Variants in SGCD observed in about 807,000 individuals in gnomAD.
SGCD encodes the protein delta-sarcoglycan.
Under a neutral mutation model 36.6 loss-of-function variants are expected in SGCD, and 18 were observed. The observed-to-expected ratio is 0.49, with a 90% CI of 0.34 to 0.73. The LOEUF is 0.73. Among genes scored for constraint, SGCD ranks in the 30% least tolerant of loss-of-function variants. The probability of loss-of-function intolerance (pLI) is 0.01; values close to 1 mark genes in which losing one functional copy is unlikely to be tolerated. For missense variants in SGCD, 387 were observed against 346.7 expected (o/e 1.12, Z -0.92); for synonymous variants, 133 against 130.6 (o/e 1.02, Z -0.12).
chr5:155,953,426 A>G (rs577216447), intron 1 of SGCD, among the ~76,000 whole-genome samples: 3 of 152,274 alleles, frequency 2.0e-5, no homozygotes, highest in Non-Finnish European at 4.4e-5. Flanking sequence ...CTGCTTTATT[A>G]TGGCACAGTT....
chr5:156,204,590 A>G (rs1473495261), intron 3 of SGCD, among the ~76,000 whole-genome samples: 1 of 152,086 alleles, frequency 6.6e-6, no homozygotes, highest in African/African-American at 2.4e-5. Flanking sequence ...GTGTCAGCGT[A>G]TGGGATCTTG....
intron 3 of SGCD, among the ~76,000 whole-genome samples, chr5:156,303,432 G>C (rs1290561432): frequency 6.6e-6 from 1 of 152,016 alleles, no homozygotes; most frequent in Non-Finnish European, 1.5e-5. Context: ...CCACAGCTTA[G>C]AATCTGGAAC....
In SGCD at chr5:156,692,101, C is replaced by T. The variant is rs62380948; in HGVS notation, c.575+44565C>T. Among the ~76,000 whole-genome samples the T allele has an allele frequency of 7.2e-3, 1,102 of 152,216 alleles. 4 individuals carry two copies. Among genetic ancestry groups the T allele is most frequent in the Non-Finnish European group, 7.9e-3 (536 of 68,006 alleles). On this transcript the variant is annotated intron_variant, in intron 7 of 8. Coordinates refer to ENST00000337851, the MANE Select transcript of SGCD (RefSeq NM_000337.6). ...GAAGTTCACAGTAAAAAACAAATTC[C>T]CACATAAATCCCAATTTCCTGAAAT...
chr5:156,524,184 C>CTATA (rs370041027), intron 4 of SGCD, among the ~76,000 whole-genome samples: 11,207 of 75,014 alleles, frequency 0.15, 1,322 homozygotes, highest in Non-Finnish European at 0.2. Flanking sequence ...ATAGGTCTTA[C>CTATA]TATATATATA....
intron 4 of SGCD, among the ~76,000 whole-genome samples, chr5:156,551,503 C>T (rs1334117028): frequency 2.0e-5 from 3 of 152,048 alleles, no homozygotes; most frequent in Non-Finnish European, 4.4e-5. Context: ...GGGAACAGGG[C>T]AGGGTTTTGC....
intron 3 of SGCD, among the ~76,000 whole-genome samples, chr5:156,238,374 G>A (rs919001461): frequency 2.6e-5 from 4 of 152,212 alleles, no homozygotes; most frequent in East Asian, 1.9e-4. Flanking sequence ...CCCTGGAGTG[G>A]GCATCCACCC....
rs1561783583 is a variant in SGCD, at chr5:156,567,432, G to GATAGATA, written c.295-21799_295-21798insATAGATA. Among the ~76,000 whole-genome samples, 20 of 87,258 alleles carry GATAGATA rather than the reference G, an allele frequency of 2.3e-4. 1 individual carries two copies. Among genetic ancestry groups the GATAGATA allele is most frequent in the Non-Finnish European group, 5.1e-4 (16 of 31,252 alleles). 57.2% of individuals were successfully genotyped at this position (87,258 alleles called of 152,430 possible). A position where few individuals can be genotyped will look rare whatever the true frequency, so the allele number is the denominator to read the frequency against. On this transcript the variant is annotated intron_variant, in intron 4 of 8. Coordinates refer to ENST00000337851, the MANE Select transcript of SGCD (RefSeq NM_000337.6). ...TAGATAGATAGATAGATAGATAGAT[G>GATAGATA]GTAGCTCATGTGATTATGGAGGCTG...
the SGCD span, among the ~76,000 whole-genome samples, chr5:155,753,870 G>A: frequency 8.6e-5 from 13 of 152,034 alleles, no homozygotes; most frequent in Non-Finnish European, 1.8e-4. Flanking sequence ...CCTCCCAAAT[G>A]TGCATGTTTT....
At chr5:156,281,419 G>A (rs1766449852) in intron 3 of SGCD, among the ~76,000 whole-genome samples, 1 of 152,140 alleles carries the variant, frequency 6.6e-6, no homozygotes, top group African/African-American at 2.4e-5. Context: ...TAGCAGGGTC[G>A]ATGAGAGGGT....
At chr5:156,079,217 G>A (rs1050927656) in intron 1 of SGCD, among the ~76,000 whole-genome samples, 2 of 152,046 alleles carry the variant, frequency 1.3e-5, no homozygotes, top group South Asian at 4.2e-4. Flanking sequence ...GGTATTCACT[G>A]TTGTGAGGAC....
rs1758370774 is a variant in SGCD at position 156,542,123 on chromosome 5, A to G, written c.294+33421A>G. Among the ~76,000 whole-genome samples the G allele has an allele frequency of 3.9e-5, 6 of 152,206 alleles. No homozygotes were observed. The South Asian group carries it at 1.2e-3, about 31-fold the overall frequency. On this transcript the variant is annotated intron_variant, in intron 4 of 8. Coordinates refer to ENST00000337851, the MANE Select transcript of SGCD (RefSeq NM_000337.6). ...TTCAAGATGAATTGATCAAAACAGT[A>G]GACAGGCAAAGTTAGGGGAAAAAGG...
chr5:155,898,873 C>G (rs1212447834), intron 1 of SGCD, among the ~76,000 whole-genome samples: 1 of 152,198 alleles, frequency 6.6e-6, no homozygotes. Context: ...ATGCTGCTAA[C>G]CAGGTATCTC....
At chr5:156,081,015 A>G (rs1011878720) in intron 1 of SGCD, among the ~76,000 whole-genome samples, 1 of 152,184 alleles carries the variant, frequency 6.6e-6, no homozygotes, top group Non-Finnish European at 1.5e-5. Context: ...ATCATGGGTC[A>G]TTTATAAAGA....
At chr5:156,370,852 G>A (rs7722398) in intron 3 of SGCD, among the ~76,000 whole-genome samples, 88,688 of 151,884 alleles carry the variant, frequency 0.58, 26,442 homozygotes, top group East Asian at 0.92. Context: ...TAGGGCAGTC[G>A]GCAAAGAAAT....
At chr5:156,715,221 G>GATGA (rs1458154890) in intron 7 of SGCD, among the ~76,000 whole-genome samples, 1 of 152,186 alleles carries the variant, frequency 6.6e-6, no homozygotes, top group African/African-American at 2.4e-5. Flanking sequence ...AAATAGGTAA[G>GATGA]ATGAATAATG....
intron 1 of SGCD, among the ~76,000 whole-genome samples, chr5:155,882,906 G>A (rs1755920689): frequency 1.3e-5 from 2 of 152,270 alleles, no homozygotes; most frequent in Admixed American, 6.5e-5. Context: ...TCAAATCCCT[G>A]TATGGCTTCT....
chr5:156,723,875 GTGTA>G (rs1429883336), intron 7 of SGCD, among the ~76,000 whole-genome samples: 1 of 151,856 alleles, frequency 6.6e-6, no homozygotes, highest in Non-Finnish European at 1.5e-5. Context: ...GTGTGTGTGT[GTGTA>G]TGCATGCATG....
Position 156,608,950 on chromosome 5 carries a change from G to T in SGCD, c.502+13899G>T, listed in dbSNP as rs536204685. 1.1e-3 allele frequency among the ~76,000 whole-genome samples: 172 copies of T among 152,180 alleles called. 1 individual carries two copies. Among genetic ancestry groups the T allele is most frequent in the Non-Finnish European group, 1.3e-3 (88 of 68,016 alleles). On this transcript the variant is annotated intron_variant, in intron 6 of 8. Coordinates refer to ENST00000337851, the MANE Select transcript of SGCD (RefSeq NM_000337.6). ...AGCCTATGTGTGTCTCTGCACATGA[G>T]ATGGGTTTCCTGAATACAGCACACT...
rs1390329225 is a variant in SGCD, at chr5:156,650,616, TTAAG to T, written c.575+3081_575+3084del. The stretch of plus-strand genomic sequence containing the variant: ...TTTGGTTTTCTGTTCCTGTGTTAAC[TTAAG>T]ATAATGGCCTTCAGTTATATTCATG... On this transcript the variant is annotated intron_variant, in intron 7 of 8. Coordinates refer to ENST00000337851, the MANE Select transcript of SGCD (RefSeq NM_000337.6). Among the ~76,000 whole-genome samples, 438 of 137,340 alleles carry T rather than the reference TTAAG, an allele frequency of 3.2e-3. 5 individuals carry two copies. The highest frequency in any genetic ancestry group is 0.014 in the African/African-American group (419 of 29,896). 90.1% of individuals were successfully genotyped at this position (137,340 alleles called of 152,430 possible).
Sources: gnomAD v4.1 joint callset for allele counts (sites outside exome capture counted in the v4.1 genomes callset) on GRCh38, gnomAD v4.1.1 for gene constraint, MANE v1.5 for transcripts, NCBI Gene and HGNC (gene_info 2026-07-23, HGNC 2026-07-21) for gene names.